The following WDFY1 variants were observed in gnomAD, a reference collection of about 807,000 sequenced individuals.
WDFY1 encodes WD repeat and FYVE domain-containing protein 1.
WDFY1 carries 32 observed loss-of-function variants against 56.4 expected under a neutral mutation model. The observed-to-expected ratio is 0.57, with a 90% CI of 0.43 to 0.76. The LOEUF is 0.76. Among genes scored for constraint, WDFY1 ranks in the 30% least tolerant of loss-of-function variants. The probability of loss-of-function intolerance (pLI) is 0.00; values close to 1 mark genes in which losing one functional copy is unlikely to be tolerated. For synonymous variants in WDFY1, 192 were observed against 197.3 expected (o/e 0.97, Z 0.23); for missense variants, 480 against 545.7 (o/e 0.88, Z 1.20).
At chr2:223,933,790 C>A (rs941354078) in intron 1 of WDFY1, among the ~76,000 whole-genome samples, 13 of 97,536 alleles carry the variant, frequency 1.3e-4, no homozygotes, top group East Asian at 4.7e-4. Flanking sequence ...GACCCCCCCC[C>A]ATCTCTACAA....
chr2:223,940,330 C>G (rs539939489), intron 1 of WDFY1, among the ~76,000 whole-genome samples: 1 of 152,060 alleles, frequency 6.6e-6, no homozygotes, highest in East Asian at 1.9e-4. Context: ...TTTGTTCAGG[C>G]CAAATTTTAG....
chr2:223,933,194 C>G (rs1694109950), intron 1 of WDFY1, among the ~76,000 whole-genome samples: 1 of 152,126 alleles, frequency 6.6e-6, no homozygotes, highest in Non-Finnish European at 1.5e-5. Flanking sequence ...TCCCACAGGA[C>G]AGCTTCAAGG....
chr2:223,916,282 A>C lies in WDFY1; in HGVS notation c.205+1661T>G, dbSNP rs1488605855. The stretch of plus-strand genomic sequence containing the variant: ...TGCATGCACAATGAAATAGGTATAA[A>C]GGAGAAAGTGCTACCAGAGGAGAGA... On this transcript the variant is annotated intron_variant, in intron 2 of 11. Transcript: ENST00000233055. Among the ~76,000 whole-genome samples the C allele has an allele frequency of 5.3e-5, 8 of 152,240 alleles. No homozygotes were observed. In the East Asian group the frequency reaches 1.3e-3, roughly 26 times the overall value.
chr2:223,899,262 G>T, intron 5 of WDFY1, 192 bp from the exon 6 acceptor site: 1 of 503,964 alleles, frequency 2.0e-6, no homozygotes, highest in Non-Finnish European at 3.5e-6. Context: ...AAATATTGAA[G>T]GTAAAAATTA....
At chr2:223,895,776 C>T (rs1693356971) in intron 6 of WDFY1, 146 bp from the exon 7 acceptor site, 3 of 1,099,530 alleles carry the variant, frequency 2.7e-6, no homozygotes, top group Admixed American at 2.3e-5. Context: ...TGGTGTACAA[C>T]GGGTCATTCA....
intron 8 of WDFY1, 71 bp downstream of exon 8, chr2:223,894,163 T>G: frequency 1.3e-6 from 2 of 1,512,190 alleles, no homozygotes; most frequent in South Asian, 1.2e-5. Flanking sequence ...GCTTGCGGGG[T>G]GAAAAGCCAA....
In WDFY1 at chr2:223,912,052, C is replaced by T. The variant is rs553264790; in HGVS notation, c.279+201G>A. Among the ~76,000 whole-genome samples the T allele has an allele frequency of 1.5e-4, 23 of 152,128 alleles. No individual in the cohort carries two copies. In the East Asian group the frequency reaches 3.3e-3, roughly 22 times the overall value. The stretch of plus-strand genomic sequence containing the variant: ...CTGGTCTCAAACTCCTGGGCTCAAG[C>T]GATCCGCCCGCCTCAGCCTCCTAAA... On this transcript the variant is annotated intron_variant, in intron 3 of 11. Transcript: ENST00000233055.
intron 11 of WDFY1, among the ~76,000 whole-genome samples, chr2:223,879,879 T>C (rs968945701): frequency 1.3e-5 from 2 of 152,016 alleles, no homozygotes; most frequent in Non-Finnish European, 2.9e-5. Flanking sequence ...ACTCCACCCA[T>C]AGGGATATAC....
chr2:223,922,730 G>A (rs1450314657), intron 1 of WDFY1, among the ~76,000 whole-genome samples: 1 of 152,124 alleles, frequency 6.6e-6, no homozygotes, highest in South Asian at 2.1e-4. Context: ...TGGAAAGAAG[G>A]GCACAATTCA....
intron 2 of WDFY1, among the ~76,000 whole-genome samples, chr2:223,914,114 A>T (rs903890438): frequency 6.9e-6 from 1 of 144,126 alleles, no homozygotes; most frequent in African/African-American, 2.6e-5. Flanking sequence ...CTCCTGTCTC[A>T]GCCTCCTGAG....
At chr2:223,944,345 C>T (rs1559179030) in intron 1 of WDFY1, among the ~76,000 whole-genome samples, 1 of 152,282 alleles carries the variant, frequency 6.6e-6, no homozygotes. Context: ...TTCCGAGTAC[C>T]AGGCTAAACC....
chr2:223,922,923 A>G (rs1289344679), intron 1 of WDFY1, among the ~76,000 whole-genome samples: 1 of 152,244 alleles, frequency 6.6e-6, no homozygotes, highest in Non-Finnish European at 1.5e-5. Context: ...CCTTTGGAAG[A>G]CAAACATCAG....
At chr2:223,930,743 G>A (rs1176572317) in intron 1 of WDFY1, among the ~76,000 whole-genome samples, 1 of 152,230 alleles carries the variant, frequency 6.6e-6, no homozygotes, top group Non-Finnish European at 1.5e-5. Flanking sequence ...AGACTGCCAC[G>A]TCACATGAAC....
intron 3 of WDFY1, among the ~76,000 whole-genome samples, chr2:223,908,201 A>G (rs1177679733): frequency 6.6e-6 from 1 of 152,192 alleles, no homozygotes; most frequent in Non-Finnish European, 1.5e-5. Flanking sequence ...AATAAAAACA[A>G]TGAAACTCTC....
chr2:223,903,784 G>C (rs997112051), intron 4 of WDFY1, among the ~76,000 whole-genome samples: 3 of 151,852 alleles, frequency 2.0e-5, no homozygotes, highest in Middle Eastern at 3.4e-3. Flanking sequence ...CCAAGTAGTT[G>C]GGACTACAGC....
intron 1 of WDFY1, among the ~76,000 whole-genome samples, chr2:223,942,214 G>C (rs556316460): frequency 2.6e-5 from 4 of 152,188 alleles, no homozygotes; most frequent in African/African-American, 9.6e-5. Context: ...ACCGAATAAA[G>C]GCTGCTAACT....
chr2:223,934,736 G>A (rs1422534674), intron 1 of WDFY1, among the ~76,000 whole-genome samples: 1 of 152,072 alleles, frequency 6.6e-6, no homozygotes, highest in Non-Finnish European at 1.5e-5. Context: ...GGCCAGGCTG[G>A]TCTCCAACTC....
intron 1 of WDFY1, among the ~76,000 whole-genome samples, chr2:223,922,067 C>T (rs2106094953): frequency 6.6e-6 from 1 of 152,326 alleles, no homozygotes; most frequent in East Asian, 1.9e-4. Context: ...AACCTTAGCG[C>T]CTATGACTCC....
chr2:223,893,308 G>C (rs867890464), intron 8 of WDFY1, among the ~76,000 whole-genome samples: 51 of 151,262 alleles, frequency 3.4e-4, no homozygotes, highest in African/African-American at 1.2e-3. Context: ...CTTGAGCCCA[G>C]GAGTTTGAGA....
Sources: gnomAD v4.1 joint callset for allele counts (sites outside exome capture counted in the v4.1 genomes callset) on GRCh38, gnomAD v4.1.1 for gene constraint, MANE v1.5 for transcripts, NCBI Gene and HGNC (gene_info 2026-07-23, HGNC 2026-07-21) for gene names.